PACRGL: variants seen among roughly 807,000 people sequenced by gnomAD.
PACRGL encodes PACRG-like protein.
Under a neutral mutation model 34.5 loss-of-function variants are expected in PACRGL, and 38 were observed. That is an observed-to-expected ratio of 1.10 (90% confidence interval 0.85 to 1.44). The LOEUF is 1.44. Ranked by LOEUF, PACRGL falls within the 40% of genes most tolerant of loss-of-function variation. PACRGL has a pLI of 0.00. For missense variants in PACRGL, 305 were observed against 281.4 expected (o/e 1.08, Z -0.60); for synonymous variants, 128 against 100.1 (o/e 1.28, Z -1.66).
rs1007237042 is a variant in PACRGL at position 20,728,360 on chromosome 4, CATTG to C, written c.*1023_*1026del. On this transcript the variant is annotated 3_prime_UTR_variant, in exon 9 of 9. Coordinates refer to ENST00000503585, the MANE Select transcript of PACRGL (RefSeq NM_001258345.3). ...AAATGTTAAAACTTGTACATGCATT[CATTG>C]ATTTTGTTGTGCTTATGTTTAGCAA... is the stretch of plus-strand genomic sequence containing the variant. The C allele has an allele frequency of 2.7e-5, 4 of 150,706 alleles. No individual in the cohort carries two copies. Among genetic ancestry groups the C allele is most frequent in the Admixed American group, 2.0e-4 (3 of 15,096 alleles). The allele number at this position is 150,706 out of a possible 1,614,324, so 9.3% of individuals were successfully genotyped here.
At chr4:20,736,512 T>A (rs1017132615), downstream of PACRGL, among the ~76,000 whole-genome samples, 9 of 152,194 alleles carry the variant, frequency 5.9e-5, no homozygotes, top group Non-Finnish European at 1.3e-4. Flanking sequence ...TCTTCTGGGT[T>A]TTCATGTGTG....
chr4:20,712,276 C>G (rs1157893089), intron 5 of PACRGL, among the ~76,000 whole-genome samples: 1 of 147,970 alleles, frequency 6.8e-6, no homozygotes, highest in Non-Finnish European at 1.5e-5. Context: ...CTTCTCCCTT[C>G]CTTCCCTTCT....
At chr4:20,697,166 TATA>T (rs1161835143), upstream of PACRGL, among the ~76,000 whole-genome samples, 5 of 152,212 alleles carry the variant, frequency 3.3e-5, no homozygotes, top group Non-Finnish European at 5.9e-5. Context: ...TCAATGACTT[TATA>T]ATGATGATGT....
Position 20,707,798 on chromosome 4 carries a change from T to C in PACRGL, c.208-5T>C. On this transcript the variant is annotated splice_region_variant and splice_polypyrimidine_tract_variant and intron_variant, in intron 3 of 8. Transcript: ENST00000503585. Reference sequence around the variant, plus strand: ...TGATAGTAATATTTTCATTTTTTATTTTAGTTTGGTGAACAGTCACGAGTG... The same window carrying C: ...TGATAGTAATATTTTCATTTTTTATCTTAGTTTGGTGAACAGTCACGAGTG... 2 of 1,612,500 alleles carry C rather than the reference T, an allele frequency of 1.2e-6. No individual in the cohort carries two copies. Among genetic ancestry groups the C allele is most frequent in the South Asian group, 2.2e-5 (2 of 91,006 alleles).
intron 7 of PACRGL, among the ~76,000 whole-genome samples, chr4:20,717,754 A>T (rs1193229769): frequency 2.0e-5 from 3 of 152,146 alleles, no homozygotes; most frequent in Admixed American, 1.3e-4. Context: ...GTATAGTTTG[A>T]AGTCAGGTAG....
At chr4:20,735,113 A>T (rs1259057568), downstream of PACRGL, among the ~76,000 whole-genome samples, 1 of 152,190 alleles carries the variant, frequency 6.6e-6, no homozygotes, top group Non-Finnish European at 1.5e-5. Context: ...CACTTCAATG[A>T]AAAACCGTTT....
chr4:20,718,661 C>T (rs1476592570), intron 7 of PACRGL, among the ~76,000 whole-genome samples: 1 of 152,236 alleles, frequency 6.6e-6, no homozygotes, highest in Non-Finnish European at 1.5e-5. Flanking sequence ...ACCAGCCTTG[C>T]ATCCCAGGGA....
At chr4:20,737,931 C>G (rs1560414880) in intron 8 of PACRGL, among the ~76,000 whole-genome samples, 1 of 152,030 alleles carries the variant, frequency 6.6e-6, no homozygotes, top group Non-Finnish European at 1.5e-5. Flanking sequence ...CAAGAGTTTG[C>G]AAGCAGCCTG....
intron 8 of PACRGL, among the ~76,000 whole-genome samples, chr4:20,744,770 T>C (rs1350598401): frequency 1.3e-5 from 2 of 151,920 alleles, no homozygotes; most frequent in African/African-American, 2.4e-5. Context: ...AGAATAATAA[T>C]AATAAAAATA....
At chr4:20,763,534 A>C in the PACRGL span, among the ~76,000 whole-genome samples, 1 of 152,016 alleles carries the variant, frequency 6.6e-6, no homozygotes, top group East Asian at 1.9e-4. Flanking sequence ...TTCTATTCTC[A>C]TTTTTTTTGT....
Position 20,726,099 on chromosome 4 carries a change from C to T in PACRGL, c.691-1186C>T, listed in dbSNP as rs1193720202. ...TAGGTGATTTTCCATATCCTGTGGG[C>T]CGGTATGGGAAATGGGACAAGTAGA... On this transcript the variant is annotated intron_variant, in intron 8 of 8. Transcript: ENST00000503585. Among the ~76,000 whole-genome samples the T allele has an allele frequency of 1.9e-4, 29 of 151,804 alleles. 1 individual carries two copies. The highest frequency in any genetic ancestry group is 1.9e-3 in the Admixed American group (29 of 15,220).
chr4:20,743,841 A>G (rs1453714169), intron 8 of PACRGL, among the ~76,000 whole-genome samples: 3 of 151,948 alleles, frequency 2.0e-5, no homozygotes, highest in Admixed American at 6.6e-5. Context: ...GCAACCTACA[A>G]AATGGGAGAA....
At chr4:20,723,500 A>G (rs1340121035) in intron 7 of PACRGL, among the ~76,000 whole-genome samples, 1 of 151,890 alleles carries the variant, frequency 6.6e-6, no homozygotes, top group African/African-American at 2.4e-5. Flanking sequence ...TGCTGAGAAA[A>G]TTGGGATGGA....
chr4:20,722,648 C>T (rs147637638), intron 7 of PACRGL, among the ~76,000 whole-genome samples: 1 of 152,264 alleles, frequency 6.6e-6, no homozygotes, highest in East Asian at 1.9e-4. Context: ...CTCTAGAAAT[C>T]GAGCTAATAC....
exon 9 of PACRGL, chr4:20,752,772 AG>A (rs1753875444): frequency 6.6e-6 from 1 of 152,242 alleles, no homozygotes; most frequent in African/African-American, 2.4e-5. Flanking sequence ...GCAAAGGCAA[AG>A]GAATGTCCAG....
Position 20,721,334 on chromosome 4 carries a change from C to T in PACRGL, c.610-3474C>T, listed in dbSNP as rs187116416. Reference sequence around the variant, plus strand: ...CCTTCTTTTGTCACCTCGTCAAAGTCATTCTCCGTCCAGCTTAGTTCCGTT... The same window carrying T: ...CCTTCTTTTGTCACCTCGTCAAAGTTATTCTCCGTCCAGCTTAGTTCCGTT... On this transcript the variant is annotated intron_variant, in intron 7 of 8. Transcript: ENST00000503585. Among the ~76,000 whole-genome samples, 354 of 152,312 alleles carry T rather than the reference C, an allele frequency of 2.3e-3. 8 individuals are homozygous for T. In the South Asian group the frequency reaches 0.046, roughly 20 times the overall value.
Position 20,712,649 on chromosome 4 carries a change from A to G in PACRGL, c.367-139A>G, listed in dbSNP as rs1482809744. On this transcript the variant is annotated intron_variant, in intron 5 of 8. Coordinates refer to ENST00000503585, the MANE Select transcript of PACRGL (RefSeq NM_001258345.3). ...AGTTTCTCAATGTAATTGAAATTGTAACTACTGAAATTATAATCATGATTA... is the reference window on the plus strand; with the variant it reads ...AGTTTCTCAATGTAATTGAAATTGTGACTACTGAAATTATAATCATGATTA... 5 of 814,044 alleles carry G rather than the reference A, an allele frequency of 6.1e-6. No homozygotes were observed. In the East Asian group the frequency reaches 1.5e-4, roughly 25 times the overall value. The allele number at this position is 814,044 out of a possible 1,614,324, so 50.4% of individuals were successfully genotyped here.
At chr4:20,715,448 C>T (rs1021349148) in intron 7 of PACRGL, among the ~76,000 whole-genome samples, 2 of 151,872 alleles carry the variant, frequency 1.3e-5, no homozygotes, top group African/African-American at 4.8e-5. Flanking sequence ...ATAAAAAAAA[C>T]CTTAAAAATC....
intron 7 of PACRGL, among the ~76,000 whole-genome samples, chr4:20,723,552 A>G (rs1744357247): frequency 6.6e-6 from 1 of 152,044 alleles, no homozygotes; most frequent in Non-Finnish European, 1.5e-5. Context: ...ATCACACTGG[A>G]TCCTTCCTCA....
Sources: gnomAD v4.1 joint callset for allele counts (sites outside exome capture counted in the v4.1 genomes callset) on GRCh38, gnomAD v4.1.1 for gene constraint, MANE v1.5 for transcripts, NCBI Gene and HGNC (gene_info 2026-07-23, HGNC 2026-07-21) for gene names.